The following FBXO8 variants were observed in gnomAD, a reference collection of about 807,000 sequenced individuals.
FBXO8 encodes the protein F-box protein 8.
A neutral mutation model predicts 33.4 loss-of-function variants in FBXO8; 15 were observed. The observed-to-expected ratio is 0.45, with a 90% CI of 0.30 to 0.69. The LOEUF is 0.69. Among genes scored for constraint, FBXO8 ranks in the 30% least tolerant of loss-of-function variants. FBXO8 has a pLI of 0.08. For synonymous variants in FBXO8, 132 were observed against 131.5 expected, an observed-to-expected ratio of 1.00 and a Z score of -0.02; for missense variants, 274 against 380.3, an observed-to-expected ratio of 0.72 and a Z score of 2.32.
chr4:174,237,889 T>C lies in FBXO8; in HGVS notation c.773-290A>G, dbSNP rs1375555836. ...AAAGAACTTTAGAACAGTTTAGGAGTGTATAGTAAAAATTCATTCTAGATT... is the reference window on the plus strand; with the variant it reads ...AAAGAACTTTAGAACAGTTTAGGAGCGTATAGTAAAAATTCATTCTAGATT... On this transcript the variant is annotated intron_variant, in intron 5 of 5. Transcript: ENST00000393674. This position sits in a 1 kb window ranked among gnomAD's most constrained non-coding sequence, Gnocchi z 4.4. 1.3e-5 allele frequency among the ~76,000 whole-genome samples: 2 copies of C among 151,950 alleles called. No individual in the cohort carries two copies. Among genetic ancestry groups the C allele is most frequent in the Non-Finnish European group, 2.9e-5 (2 of 67,900 alleles).
intron 3 of FBXO8, among the ~76,000 whole-genome samples, chr4:174,246,722 G>A (rs1013677744): frequency 1.3e-5 from 2 of 151,990 alleles, no homozygotes; most frequent in African/African-American, 2.4e-5. Context: ...AAGAGAGCAG[G>A]GGAAAGGTCT....
In FBXO8 at chr4:174,275,750, A is replaced by G. The variant is rs1036200736; in HGVS notation, c.-9+7660T>C. Among the ~76,000 whole-genome samples, 1 of 152,202 alleles carries G rather than the reference A, an allele frequency of 6.6e-6. No homozygotes were observed. Among genetic ancestry groups the G allele is most frequent in the Non-Finnish European group, 1.5e-5 (1 of 68,018 alleles). On this transcript the variant is annotated intron_variant, in intron 1 of 5. Coordinates refer to ENST00000393674, the MANE Select transcript of FBXO8 (RefSeq NM_012180.3). The surrounding 1 kb of genome is among the most constrained non-coding windows in gnomAD (Gnocchi z 4.4). ...TATTTTAGATTTTGGGAATCCAACT[A>G]ATTGTGAAAAATCTACAACCTATGA...
Position 174,253,218 on chromosome 4 carries a change from T to TA in FBXO8, c.456+6480dup, listed in dbSNP as rs553789489. Among the ~76,000 whole-genome samples the TA allele has an allele frequency of 2.1e-3, 320 of 152,270 alleles. 2 individuals are homozygous for TA. The highest frequency in any genetic ancestry group is 3.4e-3 in the Admixed American group (52 of 15,296). ...GGCCATGTAGGCCCAGTGTGATTTT[T>TA]AAAAAATTACTTTTATCATAGGATA... is the stretch of plus-strand genomic sequence containing the variant. On this transcript the variant is annotated intron_variant, in intron 3 of 5. Coordinates refer to ENST00000393674, the MANE Select transcript of FBXO8 (RefSeq NM_012180.3). The surrounding 1 kb of genome is among the most constrained non-coding windows in gnomAD (Gnocchi z 4.5).
At position 174,267,329 on chromosome 4, in the gene FBXO8, T is replaced by G. The variant is rs544904599; in HGVS notation, c.-8-4229A>C. Among the ~76,000 whole-genome samples, 13 of 152,282 alleles carry G rather than the reference T, an allele frequency of 8.5e-5. 1 individual carries two copies. Among genetic ancestry groups the G allele is most frequent in the African/African-American group, 3.1e-4 (13 of 41,568 alleles). The stretch of plus-strand genomic sequence containing the variant: ...TTTCGAGAAGCTGAGGCAGGAGGAC[T>G]GCTTGAGACCAAGAGTTCAAGACCA... On this transcript the variant is annotated intron_variant, in intron 1 of 5. Transcript: ENST00000393674. This position sits in a 1 kb window ranked among gnomAD's most constrained non-coding sequence, Gnocchi z 4.7.
At chr4:174,258,227 T>C (rs1260056168) in intron 3 of FBXO8, among the ~76,000 whole-genome samples, 1 of 152,146 alleles carries the variant, frequency 6.6e-6, no homozygotes, top group Admixed American at 6.6e-5. Flanking sequence ...GTTCTTATGT[T>C]GCCATATGTT....
rs1163231322 is a variant in FBXO8 at position 174,245,918 on chromosome 4, A to C, written c.457-4700T>G. On this transcript the variant is annotated intron_variant, in intron 3 of 5. Coordinates refer to ENST00000393674, the MANE Select transcript of FBXO8 (RefSeq NM_012180.3). The surrounding 1 kb of genome is among the most constrained non-coding windows in gnomAD (Gnocchi z 4.6). Reference sequence around the variant, plus strand: ...GAAAAATGATGGACAGGTCAAAAAAAGTCAAAGAGGGTGTTGATTTGAAGA... The same window carrying C: ...GAAAAATGATGGACAGGTCAAAAAACGTCAAAGAGGGTGTTGATTTGAAGA... Among the ~76,000 whole-genome samples the C allele has an allele frequency of 1.3e-5, 2 of 151,962 alleles. No individual in the cohort carries two copies. Among genetic ancestry groups the C allele is most frequent in the Non-Finnish European group, 2.9e-5 (2 of 67,942 alleles).
chr4:174,249,076 C>T (rs55857384), intron 3 of FBXO8, among the ~76,000 whole-genome samples: 21,508 of 151,996 alleles, frequency 0.14, 2,033 homozygotes, highest in Admixed American at 0.25. Flanking sequence ...CCTATTAATT[C>T]GTTCTAATAG....
In FBXO8 at chr4:174,278,973, T is replaced by C. The variant is rs900990529; in HGVS notation, c.-9+4437A>G. Among the ~76,000 whole-genome samples, 1 of 152,056 alleles carries C rather than the reference T, an allele frequency of 6.6e-6. No individual in the cohort carries two copies. Among genetic ancestry groups the C allele is most frequent in the African/African-American group, 2.4e-5 (1 of 41,428 alleles). ...AGTCACTAAAATTTTGAGGTCTCAG[T>C]TTCCTCCCCTGTAAAATAAGGGTTT... On this transcript the variant is annotated intron_variant, in intron 1 of 5. Transcript: ENST00000393674. The surrounding 1 kb of genome is among the most constrained non-coding windows in gnomAD (Gnocchi z 4.1).
Position 174,274,744 on chromosome 4 carries a change from T to TA in FBXO8, c.-9+8665dup, listed in dbSNP as rs1235903239. ...ATAAACGATTAGTAAGCACTGATTT[T>TA]AAAAAAAATGAATTACATGAACCTT... On this transcript the variant is annotated intron_variant, in intron 1 of 5. Coordinates refer to ENST00000393674, the MANE Select transcript of FBXO8 (RefSeq NM_012180.3). This position sits in a 1 kb window ranked among gnomAD's most constrained non-coding sequence, Gnocchi z 4.0. 6.6e-6 allele frequency among the ~76,000 whole-genome samples: 1 copy of TA among 152,008 alleles called. No individual in the cohort carries two copies. Among genetic ancestry groups the TA allele is most frequent in the Non-Finnish European group, 1.5e-5 (1 of 67,988 alleles).
chr4:174,277,929 T>A lies in FBXO8; in HGVS notation c.-9+5481A>T, dbSNP rs1736992363. Among the ~76,000 whole-genome samples the A allele has an allele frequency of 6.6e-6, 1 of 152,138 alleles. No homozygotes were observed. The highest frequency in any genetic ancestry group is 2.1e-4 in the South Asian group (1 of 4,836). On this transcript the variant is annotated intron_variant, in intron 1 of 5. Coordinates refer to ENST00000393674, the MANE Select transcript of FBXO8 (RefSeq NM_012180.3). The surrounding 1 kb of genome is among the most constrained non-coding windows in gnomAD (Gnocchi z 4.9). ...TTTTAAAAATCTTTAAGGGATATCATGTGATATTATTCAATAGCATAAGAA... is the reference window on the plus strand; with the variant it reads ...TTTTAAAAATCTTTAAGGGATATCAAGTGATATTATTCAATAGCATAAGAA...
chr4:174,258,907 T>G (rs1736477767), intron 3 of FBXO8, among the ~76,000 whole-genome samples: 1 of 152,020 alleles, frequency 6.6e-6, no homozygotes, highest in Non-Finnish European at 1.5e-5. Flanking sequence ...AAAAGTTGTT[T>G]TTGAAAATTA....
rs1404118868 is a variant in FBXO8 at position 174,257,720 on chromosome 4, A to G, written c.456+1979T>C. Among the ~76,000 whole-genome samples, 1 of 151,884 alleles carries G rather than the reference A, an allele frequency of 6.6e-6. No homozygotes were observed. Among genetic ancestry groups the G allele is most frequent in the Non-Finnish European group, 1.5e-5 (1 of 67,976 alleles). ...GGGTCTCACTCTCACAGCTTATTGC[A>G]CTCTTGACCTCTGGGGCTACATATC... On this transcript the variant is annotated intron_variant, in intron 3 of 5. Transcript: ENST00000393674. The surrounding 1 kb of genome is among the most constrained non-coding windows in gnomAD (Gnocchi z 4.3).
At chr4:174,282,567 G>A (rs1200468912) in intron 1 of FBXO8, among the ~76,000 whole-genome samples, 3 of 152,102 alleles carry the variant, frequency 2.0e-5, no homozygotes, top group Non-Finnish European at 4.4e-5. Context: ...TTCGTGAAGG[G>A]TAGAGTTGAG....
At chr4:174,249,527 A>C (rs1456415375) in intron 3 of FBXO8, among the ~76,000 whole-genome samples, 1 of 151,866 alleles carries the variant, frequency 6.6e-6, no homozygotes, top group Non-Finnish European at 1.5e-5. Flanking sequence ...TTATCATATT[A>C]CCTAGATCTT....
In FBXO8 at chr4:174,283,114, AG is replaced by A. The variant is rs541794854; in HGVS notation, c.-9+295del. ...AAGAAAGTAACCCTTGTCATTTCTC[AG>A]GTTTATTTCACAATGACGCTGGGTT... is the stretch of plus-strand genomic sequence containing the variant. On this transcript the variant is annotated intron_variant, in intron 1 of 5. Transcript: ENST00000393674. This position sits in a 1 kb window ranked among gnomAD's most constrained non-coding sequence, Gnocchi z 6.7. 7.9e-5 allele frequency among the ~76,000 whole-genome samples: 12 copies of A among 152,216 alleles called. No homozygotes were observed. Among genetic ancestry groups the A allele is most frequent in the Non-Finnish European group, 1.6e-4 (11 of 68,028 alleles).
chr4:174,268,981 G>C (rs956615294), intron 1 of FBXO8: 1 of 152,146 alleles, frequency 6.6e-6, no homozygotes, highest in African/African-American at 2.4e-5. Flanking sequence ...TTAGTGAGTA[G>C]GTAAATTCAC....
chr4:174,269,262 C>CA (rs1183942590), intron 1 of FBXO8: 7 of 150,690 alleles, frequency 4.6e-5, no homozygotes. Flanking sequence ...AATTATGCTA[C>CA]AAAAAAATTC....
chr4:174,271,046 C>A (rs1289973672), intron 1 of FBXO8, among the ~76,000 whole-genome samples: 8 of 152,034 alleles, frequency 5.3e-5, no homozygotes. Flanking sequence ...AAAATCTCAA[C>A]CTTGGTTGTA....
rs932003938 is a variant in FBXO8 at position 174,257,228 on chromosome 4, T to C, written c.456+2471A>G. Among the ~76,000 whole-genome samples, 2 of 152,150 alleles carry C rather than the reference T, an allele frequency of 1.3e-5. No individual in the cohort carries two copies. The highest frequency in any genetic ancestry group is 4.8e-5 in the African/African-American group (2 of 41,452). On this transcript the variant is annotated intron_variant, in intron 3 of 5. Coordinates refer to ENST00000393674, the MANE Select transcript of FBXO8 (RefSeq NM_012180.3). The surrounding 1 kb of genome is among the most constrained non-coding windows in gnomAD (Gnocchi z 4.3). ...CAAATTAGATATTTAAACCTATACA[T>C]ATAACATTTTAGCATATGAGGACCC... is the stretch of plus-strand genomic sequence containing the variant.
Sources: gnomAD v4.1 joint callset for allele counts (sites outside exome capture counted in the v4.1 genomes callset) on GRCh38, gnomAD v4.1.1 for gene constraint, Gnocchi (gnomAD v3.1) non-coding constraint, MANE v1.5 for transcripts, NCBI Gene and HGNC (gene_info 2026-07-23, HGNC 2026-07-21) for gene names.